RBFOX1: variants seen among roughly 807,000 people sequenced by gnomAD.
RBFOX1 encodes the protein RNA binding fox-1 homolog 1, also known as RNA binding protein fox-1 homolog 1.
Under a neutral mutation model 57.7 loss-of-function variants are expected in RBFOX1, and 8 were observed. The ratio of observed to expected loss-of-function variants is 0.14; its 90% CI spans 0.08 to 0.25. The LOEUF is 0.25. Among genes scored for constraint, RBFOX1 ranks in the 10% least tolerant of loss-of-function variants. The probability of loss-of-function intolerance (pLI) is 1.00; values close to 1 mark genes in which losing one functional copy is unlikely to be tolerated. For synonymous variants in RBFOX1, 326 were observed against 222.4 expected, an observed-to-expected ratio of 1.47 and a Z score of -4.15; for missense variants, 611 against 548.5, an observed-to-expected ratio of 1.11 and a Z score of -1.14.
At chr16:7,284,974 A>G (rs1265067302) in intron 4 of RBFOX1, among the ~76,000 whole-genome samples, 1 of 150,508 alleles carries the variant, frequency 6.6e-6, no homozygotes, top group Non-Finnish European at 1.5e-5. Flanking sequence ...CTCCTCGCCA[A>G]CGCCTCATCC....
chr16:5,805,240 T>C lies in RBFOX1; in HGVS notation c.319-62063T>C, dbSNP rs141875593. Among the ~76,000 whole-genome samples, 964 of 152,294 alleles carry C rather than the reference T, an allele frequency of 6.3e-3. 9 individuals are homozygous for C. The highest frequency in any genetic ancestry group is 0.022 in the African/African-American group (901 of 41,550). ...CTGGAATAGAGCCTGGATTAAAATA[T>C]GAGGTTAGAGAGGGTCAGACAGGAT... On this transcript the variant is annotated intron_variant, in intron 3 of 19. Coordinates refer to the RBFOX1 transcript ENST00000641259.
chr16:6,844,057 C>G (rs564951360), intron 3 of RBFOX1, among the ~76,000 whole-genome samples: 3 of 152,078 alleles, frequency 2.0e-5, no homozygotes, highest in Non-Finnish European at 4.4e-5. Context: ...CTCTCTTTCT[C>G]TGTCTCTCTC....
chr16:5,442,133 G>C (rs140702169), intron 1 of RBFOX1, among the ~76,000 whole-genome samples: 6 of 152,332 alleles, frequency 3.9e-5, no homozygotes, highest in African/African-American at 1.4e-4. Context: ...AGACTTGGAA[G>C]CTCAGACCAA....
At position 7,222,779 on chromosome 16, in the gene RBFOX1, G is replaced by T. The variant is rs541488369; in HGVS notation, c.27+170681G>T. On this transcript the variant is annotated intron_variant, in intron 4 of 15. Coordinates refer to ENST00000550418, the MANE Select transcript of RBFOX1 (RefSeq NM_018723.4). ...TTATCAAAGTGGTAAGCAGGAACCA[G>T]TGCCATTTCACAACTATCAGGTACT... 8.5e-5 allele frequency among the ~76,000 whole-genome samples: 13 copies of T among 152,318 alleles called. No individual in the cohort carries two copies. In the South Asian group the frequency reaches 2.5e-3, roughly 29 times the overall value.
chr16:6,274,966 G>A (rs10852673), intron 1 of RBFOX1, among the ~76,000 whole-genome samples: 83,441 of 151,922 alleles, frequency 0.55, 27,076 homozygotes, highest in East Asian at 0.82. Flanking sequence ...CACTGATACC[G>A]TGTGCTGTGA....
chr16:5,834,775 AT>A (rs55891413), intron 3 of RBFOX1, among the ~76,000 whole-genome samples: 2 of 130,858 alleles, frequency 1.5e-5, no homozygotes, highest in African/African-American at 5.9e-5. Flanking sequence ...ACATGCACAG[AT>A]GATAGATAGA....
chr16:6,470,930 C>T (rs73540100), intron 2 of RBFOX1, among the ~76,000 whole-genome samples: 2,059 of 152,304 alleles, frequency 0.014, 33 homozygotes, highest in African/African-American at 0.036. Context: ...AAACCCTCAT[C>T]ATCTTTTAGG....
At chr16:5,860,589 G>A (rs927477951) in intron 3 of RBFOX1, among the ~76,000 whole-genome samples, 1 of 152,180 alleles carries the variant, frequency 6.6e-6, no homozygotes, top group Non-Finnish European at 1.5e-5. Flanking sequence ...AGGACGCAAA[G>A]TTGCCTGCAG....
At chr16:5,732,632 C>T (rs1262221547) in intron 3 of RBFOX1, among the ~76,000 whole-genome samples, 3 of 152,138 alleles carry the variant, frequency 2.0e-5, no homozygotes, top group Non-Finnish European at 4.4e-5. Flanking sequence ...GTAAAAAATT[C>T]CCTTTTTGGC....
intron 14 of RBFOX1, among the ~76,000 whole-genome samples, chr16:7,704,677 G>A (rs1258818243): frequency 6.6e-6 from 1 of 152,186 alleles, no homozygotes; most frequent in African/African-American, 2.4e-5. Flanking sequence ...TAAATGATCA[G>A]GTGGAGTGGG....
chr16:7,543,538 T>C (rs1357739943), intron 5 of RBFOX1, among the ~76,000 whole-genome samples: 1 of 152,122 alleles, frequency 6.6e-6, no homozygotes, highest in East Asian at 1.9e-4. Context: ...GAAGTTGAAA[T>C]GTGTGTGTAC....
At chr16:7,210,308 G>C (rs187813229) in intron 4 of RBFOX1, among the ~76,000 whole-genome samples, 64 of 152,280 alleles carry the variant, frequency 4.2e-4, no homozygotes, top group African/African-American at 1.5e-3. Flanking sequence ...ATCAGGAAGA[G>C]TATGTTGGCA....
At chr16:7,644,677 G>C (rs564606128) in intron 11 of RBFOX1, among the ~76,000 whole-genome samples, 1 of 152,218 alleles carries the variant, frequency 6.6e-6, no homozygotes, top group Non-Finnish European at 1.5e-5. Flanking sequence ...AGATGTTGGA[G>C]ACACAGTAGG....
At chr16:6,380,379 T>TGAGA (rs2091672357) in intron 2 of RBFOX1, among the ~76,000 whole-genome samples, 2 of 139,166 alleles carry the variant, frequency 1.4e-5, no homozygotes, top group Admixed American at 1.5e-4. Flanking sequence ...GATGCGTCTG[T>TGAGA]GAGTGGTGAA....
At chr16:7,057,035 A>G (rs562489609) in intron 4 of RBFOX1, among the ~76,000 whole-genome samples, 1 of 152,140 alleles carries the variant, frequency 6.6e-6, no homozygotes, top group African/African-American at 2.4e-5. Flanking sequence ...CACTGAAAAA[A>G]AAAAAAAATG....
At chr16:5,640,930 C>T (rs890169186) in intron 3 of RBFOX1, among the ~76,000 whole-genome samples, 3 of 151,470 alleles carry the variant, frequency 2.0e-5, no homozygotes, top group South Asian at 2.1e-4. Flanking sequence ...TGCACATACA[C>T]TCATGCACAC....
At position 6,780,554 on chromosome 16, in the gene RBFOX1, T is replaced by C. The variant is rs1367539030; in HGVS notation, c.-16+125904T>C. On this transcript the variant is annotated intron_variant, in intron 3 of 15. Coordinates refer to ENST00000550418, the MANE Select transcript of RBFOX1 (RefSeq NM_018723.4). ...TTTATATATACATTTACATATATAT[T>C]TACATATTTATATATATTTATATAT... is the stretch of plus-strand genomic sequence containing the variant. Among the ~76,000 whole-genome samples, 4 of 125,772 alleles carry C rather than the reference T, an allele frequency of 3.2e-5. No homozygotes were observed. The Admixed American group carries it at 3.5e-4, about 11-fold the overall frequency. 82.5% of individuals were successfully genotyped at this position (125,772 alleles called of 152,430 possible). A position where few individuals can be genotyped will look rare whatever the true frequency, so the allele number is the denominator to read the frequency against.
chr16:6,688,725 G>C (rs2059796337), intron 3 of RBFOX1, among the ~76,000 whole-genome samples: 2 of 152,130 alleles, frequency 1.3e-5, no homozygotes, highest in Non-Finnish European at 2.9e-5. Context: ...TGCCATGGTG[G>C]TTTGCTGCAC....
chr16:6,700,141 A>C (rs1280502174), intron 3 of RBFOX1, among the ~76,000 whole-genome samples: 1 of 152,048 alleles, frequency 6.6e-6, no homozygotes, highest in Non-Finnish European at 1.5e-5. Context: ...CATTCCCCTA[A>C]GGTGATGTAT....
Sources: gnomAD v4.1 joint callset for allele counts (sites outside exome capture counted in the v4.1 genomes callset) on GRCh38, gnomAD v4.1.1 for gene constraint, MANE v1.5 for transcripts, NCBI Gene and HGNC (gene_info 2026-07-23, HGNC 2026-07-21) for gene names.